ZFHX3: variants seen among roughly 807,000 people sequenced by gnomAD.
ZFHX3 encodes the protein zinc finger homeobox 3.
Under a neutral mutation model 279.1 loss-of-function variants are expected in ZFHX3, and 42 were observed. That is an observed-to-expected ratio of 0.15 (90% CI 0.12 to 0.19). The LOEUF is 0.19. ZFHX3 is among the 10% of genes least tolerant of loss of function. ZFHX3 has a pLI of 1.00. For synonymous variants in ZFHX3, 2,293 were observed against 1,957.8 expected, an observed-to-expected ratio of 1.17 and a Z score of -4.52; for missense variants, 4,981 against 4,754.0, an observed-to-expected ratio of 1.05 and a Z score of -1.40.
At chr16:73,096,326 G>A (rs552317204) in intron 7 of ZFHX3, among the ~76,000 whole-genome samples, 90 of 151,216 alleles carry the variant, frequency 6.0e-4, no homozygotes, top group South Asian at 5.0e-3. Flanking sequence ...TCTCGTAGGC[G>A]CTCTTACAGC....
chr16:73,392,396 G>A (rs1178218368), intron 3 of ZFHX3, among the ~76,000 whole-genome samples: 1 of 106,638 alleles, frequency 9.4e-6, no homozygotes, highest in Admixed American at 1.3e-4. Context: ...TCCAGCCTGG[G>A]TGACAGAATG....
intron 3 of ZFHX3, among the ~76,000 whole-genome samples, chr16:73,346,095 C>T (rs186410372): frequency 1.3e-5 from 2 of 152,268 alleles, no homozygotes; most frequent in African/African-American, 4.8e-5. Context: ...GACCCTGCAC[C>T]TTTTGATCAG....
At chr16:73,171,310 A>T (rs1597200869) in intron 5 of ZFHX3, among the ~76,000 whole-genome samples, 2 of 152,192 alleles carry the variant, frequency 1.3e-5, no homozygotes. Context: ...TGTTCCGGGG[A>T]AATGCCGAGG....
intron 4 of ZFHX3, among the ~76,000 whole-genome samples, chr16:72,882,258 C>T (rs1348758408): frequency 6.7e-6 from 1 of 149,910 alleles, no homozygotes; most frequent in Non-Finnish European, 1.5e-5. Flanking sequence ...CAGTGGGCAG[C>T]GTTGGGCACG....
Position 73,267,564 on chromosome 16 carries a change from C to T in ZFHX3, c.-1193-10428G>A, listed in dbSNP as rs938569435. Among the ~76,000 whole-genome samples, 4 of 152,194 alleles carry T rather than the reference C, an allele frequency of 2.6e-5. No individual in the cohort carries two copies. In the South Asian group the frequency reaches 8.3e-4, roughly 32 times the overall value. ...AAAAGGGACGAGCCTCAATGACATC[C>T]GGTGGTGGTTTCCTTGCTACAGGAT... On this transcript the variant is annotated intron_variant, in intron 4 of 17. Transcript: ENST00000641206.
chr16:73,470,802 G>C (rs998606265), intron 2 of ZFHX3, among the ~76,000 whole-genome samples: 1 of 152,222 alleles, frequency 6.6e-6, no homozygotes, highest in African/African-American at 2.4e-5. Flanking sequence ...GAAAAACTGA[G>C]ATTGTTTATC....
At chr16:73,394,464 T>A (rs1241714443) in intron 3 of ZFHX3, among the ~76,000 whole-genome samples, 1 of 151,978 alleles carries the variant, frequency 6.6e-6, no homozygotes, top group African/African-American at 2.4e-5. Context: ...CCCAGCTAAT[T>A]TTTTGTATTT....
chr16:72,860,988 T>A (rs2037876546), intron 4 of ZFHX3, among the ~76,000 whole-genome samples: 1 of 152,196 alleles, frequency 6.6e-6, no homozygotes, highest in African/African-American at 2.4e-5. Context: ...CAGACACCAC[T>A]TGCCACCACT....
chr16:73,671,176 A>G (rs923060675), intron 2 of ZFHX3, among the ~76,000 whole-genome samples: 3 of 152,242 alleles, frequency 2.0e-5, no homozygotes, highest in Non-Finnish European at 2.9e-5. Context: ...CAGATTTCCA[A>G]GACTTCTGGG....
rs1252935896 is a variant in ZFHX3, at chr16:72,795,863, C to T, written c.6819G>A (p.Glu2273=). The T allele has an allele frequency of 8.1e-6, 13 of 1,614,094 alleles. No homozygotes were observed. The highest frequency in any genetic ancestry group is 1.1e-5 in the Non-Finnish European group (13 of 1,180,046). The change falls in exon 9 of 10, where the codon GAG becomes GAA. Residue 2273 remains glutamate (E), a synonymous_variant. Coordinates refer to ENST00000268489, the MANE Select transcript of ZFHX3 (RefSeq NM_006885.4). ...ANAYPKDDEF[E]QLSNLLNLPT... ...GAAGGTTCAGTAAATTAGAGAGTTG[C>T]TCAAATTCATCATCCTTTGGGTAAG...
chr16:73,666,028 G>A (rs976977681), intron 2 of ZFHX3, among the ~76,000 whole-genome samples: 3 of 151,508 alleles, frequency 2.0e-5, no homozygotes, highest in African/African-American at 7.3e-5. Flanking sequence ...GTGTTAGCCA[G>A]TATGGTCTCG....
chr16:73,565,039 G>T (rs1256627272), intron 2 of ZFHX3, among the ~76,000 whole-genome samples: 1 of 152,156 alleles, frequency 6.6e-6, no homozygotes, highest in Admixed American at 6.5e-5. Context: ...GATCACCTGA[G>T]GTCAAGAGAT....
intron 2 of ZFHX3, among the ~76,000 whole-genome samples, chr16:73,600,456 C>T: frequency 7.1e-6 from 1 of 140,926 alleles, no homozygotes. Flanking sequence ...CTCGCTCTGT[C>T]ACCCAGGCTG....
At chr16:73,009,743 A>G (rs963586160) in intron 1 of ZFHX3, among the ~76,000 whole-genome samples, 2 of 152,152 alleles carry the variant, frequency 1.3e-5, no homozygotes. Context: ...CAAAGGGGCC[A>G]GTCATGGTGG....
chr16:73,145,092 G>A (rs1465509071), intron 5 of ZFHX3, among the ~76,000 whole-genome samples: 1 of 152,152 alleles, frequency 6.6e-6, no homozygotes, highest in Non-Finnish European at 1.5e-5. Flanking sequence ...TTTGTACATC[G>A]TCCTGTGGTG....
intron 2 of ZFHX3, among the ~76,000 whole-genome samples, chr16:73,481,623 TG>T (rs1296595050): frequency 2.7e-5 from 4 of 148,678 alleles, no homozygotes; most frequent in African/African-American, 1.0e-4. Flanking sequence ...GTTGTTTTTT[TG>T]TTGTTGTTTG....
At chr16:72,982,439 G>A (rs1195721475) in intron 1 of ZFHX3, among the ~76,000 whole-genome samples, 2 of 152,112 alleles carry the variant, frequency 1.3e-5, no homozygotes, top group Non-Finnish European at 2.9e-5. Flanking sequence ...CCAACTCACA[G>A]AGAAACAAGA....
intron 2 of ZFHX3, among the ~76,000 whole-genome samples, chr16:73,525,728 G>A (rs2019679539): frequency 6.6e-6 from 1 of 152,170 alleles, no homozygotes; most frequent in South Asian, 2.1e-4. Context: ...ACCTCCTAGA[G>A]AGACCAAGGA....
intron 1 of ZFHX3, among the ~76,000 whole-genome samples, chr16:73,753,231 G>A (rs535069744): frequency 9.9e-5 from 15 of 152,214 alleles, no homozygotes; most frequent in South Asian, 8.3e-4. Context: ...TGTTCCGGTC[G>A]TAACTCTGCT....
Sources: gnomAD v4.1 joint callset for allele counts (sites outside exome capture counted in the v4.1 genomes callset) on GRCh38, gnomAD v4.1.1 for gene constraint, MANE v1.5 for transcripts, NCBI Gene and HGNC (gene_info 2026-07-23, HGNC 2026-07-21) for gene names.